The following SFT2D2 variants were observed in gnomAD, a reference collection of about 807,000 sequenced individuals.
SFT2D2 encodes the protein vesicle transport protein SFT2B.
Under a neutral mutation model 27.4 loss-of-function variants are expected in SFT2D2, and 21 were observed. The ratio of observed to expected loss-of-function variants is 0.77; its 90% CI spans 0.54 to 1.10. The LOEUF (loss-of-function observed/expected upper bound fraction) is 1.10, where lower values mean the gene tolerates loss of function less well. Among genes scored for constraint, SFT2D2 ranks in the 50% least tolerant of loss-of-function variants. The probability of loss-of-function intolerance (pLI) is 0.00; values close to 1 mark genes in which losing one functional copy is unlikely to be tolerated. For synonymous variants in SFT2D2, 72 were observed against 71.7 expected (o/e 1.00, Z -0.02); for missense variants, 187 against 194.2 (o/e 0.96, Z 0.22).
In SFT2D2 at chr1:168,236,694, ATAT is replaced by A; in HGVS notation, c.355-10_355-8del. The stretch of plus-strand genomic sequence containing the variant: ...CCTTGTCTCACACTCTCCTATAACC[ATAT>A]TATTATTTTTCCAGTGGCATAACAA... On this transcript the variant is annotated splice_polypyrimidine_tract_variant and intron_variant, in intron 5 of 7. Coordinates refer to ENST00000271375, the MANE Select transcript of SFT2D2 (RefSeq NM_199344.3). 1 of 1,613,840 alleles carries A rather than the reference ATAT, an allele frequency of 6.2e-7. No homozygotes were observed. Among genetic ancestry groups the A allele is most frequent in the Non-Finnish European group, 8.5e-7 (1 of 1,179,974 alleles).
rs2102337118 is a variant in SFT2D2, at chr1:168,248,241, G to C, written c.*5701G>C. The stretch of plus-strand genomic sequence containing the variant: ...TTGGTGTTTTAGTCGTGAAGTCTTT[G>C]CCTATGCCTATGTCCTGAATGGTAT... On this transcript the variant is annotated 3_prime_UTR_variant, in exon 8 of 8. Transcript: ENST00000271375. 1 of 152,322 alleles carries C rather than the reference G, an allele frequency of 6.6e-6. No homozygotes were observed. The highest frequency in any genetic ancestry group is 1.9e-4 in the East Asian group (1 of 5,182). 9.4% of individuals were successfully genotyped at this position (152,322 alleles called of 1,614,324 possible). A position where few individuals can be genotyped will look rare whatever the true frequency, so the allele number is the denominator to read the frequency against.
At chr1:168,231,492 A>AT (rs113808778) in intron 1 of SFT2D2, 22 bp from the exon 2 acceptor site, 14,645 of 1,379,186 alleles carry the variant, frequency 0.011, 187 homozygotes, top group African/African-American at 0.097. Context: ...GTGTATATGT[A>AT]TTTTTTTTTT....
chr1:168,246,047 C>T lies in SFT2D2; in HGVS notation c.*3507C>T, dbSNP rs59879537. The T allele has an allele frequency of 5.8e-3, 1,329 of 228,948 alleles. 20 individuals are homozygous for T. Among genetic ancestry groups the T allele is most frequent in the African/African-American group, 0.029 (1,233 of 42,114 alleles). The allele number at this position is 228,948 out of a possible 1,614,324, so 14.2% of individuals were successfully genotyped here. A position where few individuals can be genotyped will look rare whatever the true frequency, so the allele number is the denominator to read the frequency against. On this transcript the variant is annotated 3_prime_UTR_variant, in exon 8 of 8. Coordinates refer to ENST00000271375, the MANE Select transcript of SFT2D2 (RefSeq NM_199344.3). ...CGCAGTGACGCAATGAAGCATCCAG[C>T]AAAGCTTTTGTTGTTGATTGTTTAG...
At chr1:168,232,891 G>C (rs1027337711) in intron 3 of SFT2D2, among the ~76,000 whole-genome samples, 1 of 152,184 alleles carries the variant, frequency 6.6e-6, no homozygotes, top group Admixed American at 6.5e-5. Context: ...ATCTGAGCTG[G>C]CCTTAGCTTT....
Position 168,246,477 on chromosome 1 carries a change from G to A in SFT2D2, c.*3937G>A, listed in dbSNP as rs1381126688. On this transcript the variant is annotated 3_prime_UTR_variant, in exon 8 of 8. Coordinates refer to ENST00000271375, the MANE Select transcript of SFT2D2 (RefSeq NM_199344.3). Reference sequence around the variant, plus strand: ...TTTGTATGTGTTCAAAAACCAAAGCGTTTTCTTTCAGAGCCTCTCTTGTGT... The same window carrying A: ...TTTGTATGTGTTCAAAAACCAAAGCATTTTCTTTCAGAGCCTCTCTTGTGT... The A allele has an allele frequency of 2.5e-5, 35 of 1,381,702 alleles. No individual in the cohort carries two copies. The highest frequency in any genetic ancestry group is 2.9e-5 in the Non-Finnish European group (30 of 1,022,834). The allele number at this position is 1,381,702 out of a possible 1,614,324, so 85.6% of individuals were successfully genotyped here.
intron 1 of SFT2D2, 148 bp downstream of exon 1, chr1:168,226,290 A>G (rs1700457792): frequency 1.5e-6 from 1 of 657,496 alleles, no homozygotes; most frequent in African/African-American, 1.9e-5. Flanking sequence ...GGGCTCCGCG[A>G]AGAGGTCTGG....
chr1:168,231,797 G>T (rs376353427), intron 2 of SFT2D2, 37 bp from the exon 3 acceptor site: 1 of 1,601,516 alleles, frequency 6.2e-7, no homozygotes, highest in South Asian at 1.1e-5. Context: ...CGGGTGGGAG[G>T]GTTGCTCATG....
chr1:168,249,014 T>C lies in SFT2D2; in HGVS notation c.*6474T>C, dbSNP rs571546407. On this transcript the variant is annotated 3_prime_UTR_variant, in exon 8 of 8. Transcript: ENST00000271375. Reference sequence around the variant, plus strand: ...ATTAGTCTGGCTAGCAGTCTATCTATTTTGTTGATCTTTTCAAAAAACCAG... The same window carrying C: ...ATTAGTCTGGCTAGCAGTCTATCTACTTTGTTGATCTTTTCAAAAAACCAG... The C allele has an allele frequency of 1.3e-4, 20 of 152,322 alleles. No homozygotes were observed. The highest frequency in any genetic ancestry group is 4.3e-4 in the African/African-American group (18 of 41,574). 9.4% of individuals were successfully genotyped at this position (152,322 alleles called of 1,614,324 possible).
At position 168,244,482 on chromosome 1, in the gene SFT2D2, CT is replaced by C. The variant is rs1647750029; in HGVS notation, c.*1946del. On this transcript the variant is annotated 3_prime_UTR_variant, in exon 8 of 8. Coordinates refer to ENST00000271375, the MANE Select transcript of SFT2D2 (RefSeq NM_199344.3). Reference sequence around the variant, plus strand: ...GTGTGAGCCACTGTGCCCTGCTGATCTTTTCTTCTGAGGCTGGGGAGGTGTG... The same window carrying C: ...GTGTGAGCCACTGTGCCCTGCTGATCTTTCTTCTGAGGCTGGGGAGGTGTG... The C allele has an allele frequency of 6.6e-6, 1 of 152,540 alleles. No individual in the cohort carries two copies. The highest frequency in any genetic ancestry group is 2.4e-5 in the African/African-American group (1 of 41,548). The allele number at this position is 152,540 out of a possible 1,614,324, so 9.4% of individuals were successfully genotyped here.
At chr1:168,240,529 A>G in intron 7 of SFT2D2, among the ~76,000 whole-genome samples, 1 of 152,148 alleles carries the variant, frequency 6.6e-6, no homozygotes, top group Non-Finnish European at 1.5e-5. Flanking sequence ...TGAGATATTG[A>G]TCAACCTGCC....
intron 2 of SFT2D2, 52 bp from the exon 3 acceptor site, chr1:168,231,782 G>A (rs1647322669): frequency 1.9e-6 from 3 of 1,579,992 alleles, no homozygotes; most frequent in Non-Finnish European, 2.6e-6. Flanking sequence ...CTCTGCTTGT[G>A]TGGCCGGGTG....
rs1001824305 is a variant in SFT2D2, at chr1:168,247,724, G to A, written c.*5184G>A. ...ATTGCTGGGTTAAATGGTATTTCTA[G>A]TTCTAGATCCTTGAGGAATCGCCAC... On this transcript the variant is annotated 3_prime_UTR_variant, in exon 8 of 8. Coordinates refer to ENST00000271375, the MANE Select transcript of SFT2D2 (RefSeq NM_199344.3). 8 of 152,196 alleles carry A rather than the reference G, an allele frequency of 5.3e-5. No individual in the cohort carries two copies. Among genetic ancestry groups the A allele is most frequent in the Admixed American group, 1.3e-4 (2 of 15,282 alleles). The allele number at this position is 152,196 out of a possible 1,614,324, so 9.4% of individuals were successfully genotyped here.
intron 2 of SFT2D2, 98 bp from the exon 3 acceptor site, chr1:168,231,736 G>A: frequency 1.4e-6 from 2 of 1,441,752 alleles, no homozygotes; most frequent in Non-Finnish European, 2.0e-6. Flanking sequence ...AGGGAGGTGG[G>A]GAGGGAAACG....
intron 3 of SFT2D2, among the ~76,000 whole-genome samples, chr1:168,232,245 A>T (rs991680635): frequency 6.6e-6 from 1 of 152,094 alleles, no homozygotes; most frequent in Non-Finnish European, 1.5e-5. Flanking sequence ...GATTGAGTTG[A>T]TGGTTTTCAA....
intron 1 of SFT2D2, among the ~76,000 whole-genome samples, chr1:168,226,902 C>G (rs1164499187): frequency 6.6e-6 from 1 of 152,138 alleles, no homozygotes; most frequent in African/African-American, 2.4e-5. Flanking sequence ...TCACTGCAGC[C>G]TCTGCCTCCT....
chr1:168,245,983 A>G lies in SFT2D2; in HGVS notation c.*3443A>G. On this transcript the variant is annotated 3_prime_UTR_variant, in exon 8 of 8. Transcript: ENST00000271375. ...TGAAATTGAATTCTCATCTGACCTAATTTCTTCCTTGAATCCTACATCTCA... is the reference window on the plus strand; with the variant it reads ...TGAAATTGAATTCTCATCTGACCTAGTTTCTTCCTTGAATCCTACATCTCA... 1 of 183,910 alleles carries G rather than the reference A, an allele frequency of 5.4e-6. No homozygotes were observed. Among genetic ancestry groups the G allele is most frequent in the Non-Finnish European group, 1.1e-5 (1 of 88,014 alleles). 11.4% of individuals were successfully genotyped at this position (183,910 alleles called of 1,614,324 possible).
intron 3 of SFT2D2, among the ~76,000 whole-genome samples, chr1:168,234,179 C>G (rs952715588): frequency 2.6e-5 from 4 of 152,102 alleles, no homozygotes; most frequent in African/African-American, 9.7e-5. Flanking sequence ...GGGCGGATCA[C>G]GAGGTCAAGA....
Position 168,246,213 on chromosome 1 carries a change from A to T in SFT2D2, c.*3673A>T, listed in dbSNP as rs1421884820. 4 of 295,564 alleles carry T rather than the reference A, an allele frequency of 1.4e-5. No individual in the cohort carries two copies. Among genetic ancestry groups the T allele is most frequent in the African/African-American group, 2.3e-5 (1 of 44,038 alleles). The allele number at this position is 295,564 out of a possible 1,614,324, so 18.3% of individuals were successfully genotyped here. A position where few individuals can be genotyped will look rare whatever the true frequency, so the allele number is the denominator to read the frequency against. On this transcript the variant is annotated 3_prime_UTR_variant, in exon 8 of 8. Coordinates refer to ENST00000271375, the MANE Select transcript of SFT2D2 (RefSeq NM_199344.3). ...TTCTTCTAGCAAAAGACGGTGCTTT[A>T]TGCACTCAGCTTGAAGATTTTGTGC...
At chr1:168,242,252 C>T (rs1021133246) in intron 7 of SFT2D2, among the ~76,000 whole-genome samples, 3 of 152,100 alleles carry the variant, frequency 2.0e-5, no homozygotes, top group Non-Finnish European at 4.4e-5. Context: ...ATGGCTAATC[C>T]CATAATCAGA....
Sources: gnomAD v4.1 joint callset for allele counts (sites outside exome capture counted in the v4.1 genomes callset) on GRCh38, gnomAD v4.1.1 for gene constraint, MANE v1.5 for transcripts, NCBI Gene and HGNC (gene_info 2026-07-23, HGNC 2026-07-21) for gene names.